Variants in CASC3 observed in about 807,000 individuals in gnomAD.
CASC3 encodes CASC3 exon junction complex subunit.
CASC3 carries 30 observed loss-of-function variants against 80.5 expected under a neutral mutation model. The observed-to-expected ratio is 0.37, with a 90% CI of 0.28 to 0.51. CASC3 has a LOEUF of 0.51. Ranked by LOEUF, CASC3 falls within the 20% of genes least tolerant of loss-of-function variation. The pLI is 0.94. For synonymous variants in CASC3, 312 were observed against 333.6 expected (o/e 0.94, Z 0.70); for missense variants, 824 against 922.2 (o/e 0.89, Z 1.38).
intron 7 of CASC3, among the ~76,000 whole-genome samples, chr17:40,165,208 C>G (rs984086344): frequency 2.6e-5 from 4 of 152,074 alleles, no homozygotes; most frequent in Non-Finnish European, 5.9e-5. Context: ...CAGGCATGAG[C>G]CACCGTGCCT....
chr17:40,167,047 C>T, intron 8 of CASC3, 186 bp downstream of exon 8: 1 of 544,188 alleles, frequency 1.8e-6, no homozygotes, highest in Admixed American at 3.8e-5. Context: ...CAAGCTCTGC[C>T]TCCTGGGTCC....
In CASC3 at chr17:40,140,718, G is replaced by C. The variant is rs908044757; in HGVS notation, c.170G>C (p.Gly57Ala). ...SLPSQRGGRT[G>A]ALHLRRVESG... ...CCTTCACAGCGCGGAGGCCGAACCGGGGCCCTTCATCTGCGGCGGGTGGAG... is the reference window on the plus strand; with the variant it reads ...CCTTCACAGCGCGGAGGCCGAACCGCGGCCCTTCATCTGCGGCGGGTGGAG... The change falls in exon 1 of 14, where the codon GGG becomes GCG. Residue 57 changes from glycine to alanine, a missense_variant. Physicochemically the swap from Gly to Ala is moderately conservative, Grantham distance 60. Transcript: ENST00000264645. The C allele has an allele frequency of 3.2e-6, 5 of 1,561,464 alleles. No individual in the cohort carries two copies. In the African/African-American group the frequency reaches 4.1e-5, roughly 13 times the overall value.
At position 40,148,738 on chromosome 17, in the gene CASC3, C is replaced by T. The variant is rs549815736; in HGVS notation, c.297+7131C>T. ...ACTGCCTGTTGATTATTTCAGTGTT[C>T]TCCTGTTCTCAGGTCCATTTGCTTT... is the stretch of plus-strand genomic sequence containing the variant. On this transcript the variant is annotated intron_variant, in intron 3 of 13. Coordinates refer to ENST00000264645, the MANE Select transcript of CASC3 (RefSeq NM_007359.5). 2.0e-5 allele frequency among the ~76,000 whole-genome samples: 3 copies of T among 152,214 alleles called. No individual in the cohort carries two copies. The South Asian group carries it at 6.2e-4, about 32-fold the overall frequency.
chr17:40,147,391 C>G (rs1034592093), intron 3 of CASC3, among the ~76,000 whole-genome samples: 1 of 152,036 alleles, frequency 6.6e-6, no homozygotes, highest in Non-Finnish European at 1.5e-5. Flanking sequence ...GTAATCACAG[C>G]ATTTTGGGAG....
rs1412605560 is a variant in CASC3, at chr17:40,172,110, A to G, written c.*1705A>G. On this transcript the variant is annotated 3_prime_UTR_variant, in exon 14 of 14. Transcript: ENST00000264645. The stretch of plus-strand genomic sequence containing the variant: ...GTGGTGTTTTTTGTTACTGTTTTAA[A>G]GGGTGCCCATTTGTGATCAGCATTG... The G allele has an allele frequency of 7.8e-7, 1 of 1,289,826 alleles. No individual in the cohort carries two copies. The highest frequency in any genetic ancestry group is 1.5e-5 in the African/African-American group (1 of 65,866). 79.9% of individuals were successfully genotyped at this position (1,289,826 alleles called of 1,614,324 possible).
chr17:40,167,728 G>A (rs2145183200), intron 9 of CASC3, 116 bp downstream of exon 9: 2 of 1,240,944 alleles, frequency 1.6e-6, no homozygotes, highest in Non-Finnish European at 2.4e-6. Context: ...ATCAAACATT[G>A]TCTGGTTGCT....
chr17:40,162,165 TTGC>T lies in CASC3; in HGVS notation c.608+24_608+26del, dbSNP rs751010191. Reference sequence around the variant, plus strand: ...GAGGAGGAAGTCAGGTAAAAGCCACTTGCTGCTGCTGCTGTCTAACATGTATTT... The same window carrying T: ...GAGGAGGAAGTCAGGTAAAAGCCACTTGCTGCTGCTGTCTAACATGTATTT... On this transcript the variant is annotated intron_variant, in intron 5 of 13. Coordinates refer to ENST00000264645, the MANE Select transcript of CASC3 (RefSeq NM_007359.5). 5.0e-6 allele frequency: 8 copies of T among 1,609,020 alleles called. No individual in the cohort carries two copies. The highest frequency in any genetic ancestry group is 2.2e-5 in the South Asian group (2 of 90,422).
In CASC3 at chr17:40,140,749, G is replaced by C. The variant is rs763098180; in HGVS notation, c.201G>C (p.Gly67=). 43 of 1,526,914 alleles carry C rather than the reference G, an allele frequency of 2.8e-5. No homozygotes were observed. Among genetic ancestry groups the C allele is most frequent in the Non-Finnish European group, 3.6e-5 (41 of 1,137,596 alleles). The allele number at this position is 1,526,914 out of a possible 1,614,324, so 94.6% of individuals were successfully genotyped here. Residue 67 remains glycine, a synonymous_variant, in exon 1 of 14, where the codon GGG becomes GGC. Transcript: ENST00000264645. ...GALHLRRVES[G]GAKSAEESEC... is the part of the protein sequence containing the mutation. ...TTCATCTGCGGCGGGTGGAGAGCGG[G>C]GGCGCCAAGAGTGCTGAGGAGTCGG...
intron 3 of CASC3, among the ~76,000 whole-genome samples, chr17:40,158,318 A>G (rs977785041): frequency 6.6e-6 from 1 of 152,166 alleles, no homozygotes; most frequent in African/African-American, 2.4e-5. Context: ...GTGACAGGGC[A>G]GTCTGGTTCA....
intron 3 of CASC3, among the ~76,000 whole-genome samples, chr17:40,151,569 C>G (rs1989008944): frequency 6.6e-6 from 1 of 151,712 alleles, no homozygotes; most frequent in Non-Finnish European, 1.5e-5. Context: ...TGGCGTGCAC[C>G]TGTAGTCCCA....
chr17:40,164,062 A>C lies in CASC3; in HGVS notation c.1367A>C (p.Asp456Ala). Residue 456 changes from aspartate (D) to alanine (A), a missense_variant, in exon 7 of 14, where the codon GAT (aspartate) becomes GCT (alanine). This residue lies in a region of CASC3 where 464 missense variants were observed against 506.0 expected (regional missense o/e 0.92). Transcript: ENST00000264645. Reference protein sequence around the residue: ...TKTGTWEAPVDSSTSGLEQDV... With the variant: ...TKTGTWEAPVASSTSGLEQDV... ...ACTGGGACCTGGGAAGCTCCGGTGGATTCTAGTACAAGTGGACTTGAGCAA... is the reference window on the plus strand; with the variant it reads ...ACTGGGACCTGGGAAGCTCCGGTGGCTTCTAGTACAAGTGGACTTGAGCAA... 6.2e-7 allele frequency: 1 copy of C among 1,613,930 alleles called. No homozygotes were observed. The highest frequency in any genetic ancestry group is 8.5e-7 in the Non-Finnish European group (1 of 1,180,032).
chr17:40,164,426 G>C (rs529537134), intron 7 of CASC3, among the ~76,000 whole-genome samples: 1 of 150,178 alleles, frequency 6.7e-6, no homozygotes, highest in African/African-American at 2.5e-5. Context: ...ACCACGCCCA[G>C]CTAATTTTTT....
intron 3 of CASC3, among the ~76,000 whole-genome samples, chr17:40,160,586 C>T (rs1239982587): frequency 1.3e-5 from 2 of 151,636 alleles, no homozygotes; most frequent in East Asian, 3.9e-4. Flanking sequence ...AGTAAGTCTC[C>T]CTTCCATTCT....
intron 3 of CASC3, among the ~76,000 whole-genome samples, chr17:40,161,488 G>A (rs1375969291): frequency 6.6e-6 from 1 of 152,176 alleles, no homozygotes; most frequent in African/African-American, 2.4e-5. Context: ...AGACCAGCCT[G>A]GCCAACATGG....
chr17:40,152,328 AT>A (rs951637438), intron 3 of CASC3, among the ~76,000 whole-genome samples: 17 of 147,046 alleles, frequency 1.2e-4, no homozygotes, highest in Non-Finnish European at 2.0e-4. Flanking sequence ...TTTTATTTTT[AT>A]TTTTTTTTTG....
intron 11 of CASC3, chr17:40,168,704 C>T (rs560079960): frequency 2.7e-6 from 1 of 367,400 alleles, no homozygotes; most frequent in African/African-American, 2.1e-5. Context: ...GATTCTTCTG[C>T]CTCAGCCTCC....
chr17:40,170,213 A>T (rs1172394787), intron 13 of CASC3, among the ~76,000 whole-genome samples: 1 of 152,190 alleles, frequency 6.6e-6, no homozygotes, highest in Non-Finnish European at 1.5e-5. Flanking sequence ...AGCTACAAGG[A>T]AAAAATACAG....
In CASC3 at chr17:40,169,363, C is replaced by T. The variant is rs148356615; in HGVS notation, c.2005C>T (p.Pro669Ser). 1 of 1,613,126 alleles carries T rather than the reference C, an allele frequency of 6.2e-7. No homozygotes were observed. The highest frequency in any genetic ancestry group is 8.5e-7 in the Non-Finnish European group (1 of 1,179,666). ...ATATGGAGGAGTGACCTACTATAACCCCGCCCAGCAGCAGGTGCAGCCAAA... is the reference window on the plus strand; with the variant it reads ...ATATGGAGGAGTGACCTACTATAACTCCGCCCAGCAGCAGGTGCAGCCAAA... ...QVYGGVTYYN[P>S]AQQQVQPKPS... The change falls in exon 12 of 14, where the codon CCC (proline) becomes TCC (serine). Residue 669 changes from proline to serine, a missense_variant. This residue lies in a region of CASC3 where 464 missense variants were observed against 506.0 expected (regional missense o/e 0.92). Coordinates refer to ENST00000264645, the MANE Select transcript of CASC3 (RefSeq NM_007359.5).
chr17:40,164,022 A>C lies in CASC3; in HGVS notation c.1327A>C (p.Thr443Pro). The change falls in exon 7 of 14, where the codon ACT (threonine) becomes CCT (proline). Residue 443 changes from threonine (T) to proline (P), a missense_variant. Around this residue, in one of 3 missense-constraint regions of CASC3, gnomAD observed 464 missense variants for 506.0 expected, o/e 0.92. Transcript: ENST00000264645. ...ACCTCCAGTCCCAGAAACCACCCCA[A>C]CTCCACCTACTAAGACTGGGACCTG... ...PAPPVPETTP[T>P]PPTKTGTWEA... 6.2e-7 allele frequency: 1 copy of C among 1,613,550 alleles called. No homozygotes were observed. Among genetic ancestry groups the C allele is most frequent in the Non-Finnish European group, 8.5e-7 (1 of 1,179,900 alleles).
Sources: gnomAD v4.1 joint callset for allele counts (sites outside exome capture counted in the v4.1 genomes callset) on GRCh38, gnomAD v4.1.1 for gene constraint, gnomAD v4.1.1 regional missense constraint, MANE v1.5 for transcripts, NCBI Gene and HGNC (gene_info 2026-07-23, HGNC 2026-07-21) for gene names.